Variants in C10orf143 observed in about 807,000 individuals in gnomAD.
C10orf143 encodes uncharacterized protein C10orf143.
chr10:130,056,868 G>A lies in C10orf143; in HGVS notation c.298-20898C>T, dbSNP rs919382092. ...GGTCTCCCAAAGTGCTGGGATTACA[G>A]GCGTGAGCCACTGTGCCCGGCCAGT... On this transcript the variant is annotated intron_variant and NMD_transcript_variant, in intron 3 of 5. Coordinates refer to the C10orf143 transcript ENST00000643056. This position sits in a 1 kb window ranked among gnomAD's most constrained non-coding sequence, Gnocchi z 4.6. Among the ~76,000 whole-genome samples, 3 of 152,010 alleles carry A rather than the reference G, an allele frequency of 2.0e-5. No individual in the cohort carries two copies. Among genetic ancestry groups the A allele is most frequent in the Admixed American group, 6.5e-5 (1 of 15,270 alleles).
rs764881994 is a variant in C10orf143, at chr10:130,107,688, TGCCTC to T, written c.69+3011_69+3015del. On this transcript the variant is annotated intron_variant, in intron 1 of 3. Transcript: ENST00000637128. ...GAGGGTCCACTCAGACTCTCACCTT[TGCCTC>T]CAGGGGGGGAAGGAAGAGGCTCAAG... is the stretch of plus-strand genomic sequence containing the variant. 118 of 1,281,968 alleles carry T rather than the reference TGCCTC, an allele frequency of 9.2e-5. No homozygotes were observed. The Middle Eastern group carries it at 1.3e-3, about 14-fold the overall frequency. 79.4% of individuals were successfully genotyped at this position (1,281,968 alleles called of 1,614,324 possible).
intron 1 of C10orf143, among the ~76,000 whole-genome samples, chr10:130,087,152 C>T (rs1380613906): frequency 6.6e-6 from 1 of 152,070 alleles, no homozygotes; most frequent in African/African-American, 2.4e-5. Flanking sequence ...GAGAGCTGAC[C>T]ACATACGATA....
intron 3 of C10orf143, among the ~76,000 whole-genome samples, chr10:130,069,275 T>A (rs1364168627): frequency 6.6e-6 from 1 of 152,196 alleles, no homozygotes; most frequent in East Asian, 1.9e-4. Flanking sequence ...TCAGCACCTG[T>A]TACTCTACTT....
intron 1 of C10orf143, among the ~76,000 whole-genome samples, chr10:130,091,567 T>C (rs955530636): frequency 6.6e-6 from 1 of 152,182 alleles, no homozygotes; most frequent in South Asian, 2.1e-4. Flanking sequence ...GAGAATGAGT[T>C]TGATGAGTCA....
At chr10:130,074,084 G>A (rs1056176777) in intron 3 of C10orf143, among the ~76,000 whole-genome samples, 3 of 152,278 alleles carry the variant, frequency 2.0e-5, no homozygotes, top group South Asian at 2.1e-4. Flanking sequence ...TAGGGTGTTC[G>A]AGCCTGACGC....
rs144516728 is a variant in C10orf143, at chr10:130,042,000, G to T, written c.298-6030C>A. The stretch of plus-strand genomic sequence containing the variant: ...AGCACACATTCACATGCACACTCAT[G>T]CACATTATGCATGCACACACGTTCA... On this transcript the variant is annotated intron_variant and NMD_transcript_variant, in intron 3 of 5. Coordinates refer to the C10orf143 transcript ENST00000643056. Among the ~76,000 whole-genome samples the T allele has an allele frequency of 3.9e-5, 6 of 152,142 alleles. No homozygotes were observed. The East Asian group carries it at 1.2e-3, about 29-fold the overall frequency.
chr10:130,060,702 C>T (rs1277804436), downstream of C10orf143, among the ~76,000 whole-genome samples: 1 of 151,220 alleles, frequency 6.6e-6, no homozygotes, highest in Non-Finnish European at 1.5e-5. Context: ...CGGGCACCTG[C>T]AGTCCCAGCT....
rs200783504 is a variant in C10orf143, at chr10:130,094,168, T to A, written c.70-14267A>T. Among the ~76,000 whole-genome samples the A allele has an allele frequency of 7.9e-5, 12 of 152,074 alleles. No homozygotes were observed. The East Asian group carries it at 2.3e-3, about 29-fold the overall frequency. On this transcript the variant is annotated intron_variant, in intron 1 of 3. Transcript: ENST00000637128. ...CTGGATACATATACCCTCCCGAAAC[T>A]AAACCAGGAAGAAGTCAAATCCCTG...
intron 1 of C10orf143, chr10:130,108,490 G>T (rs1480959084): frequency 1.4e-6 from 1 of 733,598 alleles, no homozygotes; most frequent in Non-Finnish European, 2.5e-6. Flanking sequence ...AATTCTGACT[G>T]ATCTCATTTC....
intron 1 of C10orf143, among the ~76,000 whole-genome samples, chr10:130,100,718 T>C (rs573333147): frequency 5.9e-5 from 9 of 152,328 alleles, no homozygotes; most frequent in African/African-American, 1.9e-4. Context: ...ATGTAATTAG[T>C]GGACGGCTAG....
chr10:130,075,660 A>G (rs572967860), intron 3 of C10orf143, among the ~76,000 whole-genome samples: 61 of 152,276 alleles, frequency 4.0e-4, no homozygotes, highest in African/African-American at 1.4e-3. Flanking sequence ...TATACTCCAC[A>G]CATGTTGGAA....
intron 3 of C10orf143, among the ~76,000 whole-genome samples, chr10:130,077,270 A>T (rs1015319268): frequency 3.3e-5 from 5 of 152,132 alleles, no homozygotes; most frequent in Admixed American, 6.5e-5. Flanking sequence ...TGTGAGAAAC[A>T]ACTCAATCAT....
chr10:130,036,033 T>A (rs1351145442), intron 3 of C10orf143: 1 of 152,192 alleles, frequency 6.6e-6, no homozygotes, highest in Non-Finnish European at 1.5e-5. Flanking sequence ...ACAAATTCGA[T>A]CATATCTGGG....
At chr10:130,052,353 G>A (rs2134733515) in intron 3 of C10orf143, among the ~76,000 whole-genome samples, 1 of 152,264 alleles carries the variant, frequency 6.6e-6, no homozygotes, top group African/African-American at 2.4e-5. Flanking sequence ...GTGACTCCAG[G>A]TACCTCCAGG....
intron 1 of C10orf143, chr10:130,108,511 T>TG: frequency 1.4e-6 from 1 of 696,220 alleles, no homozygotes. Context: ...AAGTAACTGC[T>TG]GTTACTTAAG....
chr10:130,080,814 A>C (rs1324301810), intron 1 of C10orf143, among the ~76,000 whole-genome samples: 2 of 152,248 alleles, frequency 1.3e-5, no homozygotes, highest in Admixed American at 1.3e-4. Flanking sequence ...ATGCATCTAC[A>C]CAATATAGAA....
intron 1 of C10orf143, among the ~76,000 whole-genome samples, chr10:130,090,071 T>C (rs746124750): frequency 7.9e-5 from 12 of 152,140 alleles, no homozygotes; most frequent in Non-Finnish European, 1.6e-4. Flanking sequence ...ATTTCATCAA[T>C]ATTCAAAGGT....
At chr10:130,058,763 C>T (rs768328159) in intron 3 of C10orf143, among the ~76,000 whole-genome samples, 1 of 151,982 alleles carries the variant, frequency 6.6e-6, no homozygotes, top group Non-Finnish European at 1.5e-5. Context: ...AAAGCTACCC[C>T]TTATCCTGCA....
chr10:130,069,768 G>A (rs1206179737), intron 3 of C10orf143, among the ~76,000 whole-genome samples: 2 of 152,046 alleles, frequency 1.3e-5, no homozygotes, highest in African/African-American at 4.8e-5. Flanking sequence ...GAGTCACTGT[G>A]GTCAGCCTTG....
Sources: gnomAD v4.1 joint callset for allele counts (sites outside exome capture counted in the v4.1 genomes callset) on GRCh38, gnomAD v4.1.1 for gene constraint, Gnocchi (gnomAD v3.1) non-coding constraint, MANE v1.5 for transcripts, NCBI Gene and HGNC (gene_info 2026-07-23, HGNC 2026-07-21) for gene names.